The following SULF1 variants were observed in gnomAD, a reference collection of about 807,000 sequenced individuals.
SULF1 encodes sulfatase 1, also known as extracellular sulfatase Sulf-1.
A neutral mutation model predicts 110.5 loss-of-function variants in SULF1; 46 were observed. The observed-to-expected ratio is 0.42, with a 90% CI of 0.33 to 0.53. SULF1 has a LOEUF of 0.53. SULF1 is among the 20% of genes least tolerant of loss of function. The pLI is 0.12. For synonymous variants in SULF1, 371 were observed against 387.1 expected (o/e 0.96, Z 0.49); for missense variants, 941 against 1,094.2 (o/e 0.86, Z 1.98).
At chr8:69,494,443 A>T (rs200327372) in intron 1 of SULF1, among the ~76,000 whole-genome samples, 3 of 152,204 alleles carry the variant, frequency 2.0e-5, no homozygotes, top group Admixed American at 1.3e-4. Context: ...TTATAAAATT[A>T]TGTCTTTTTT....
intron 3 of SULF1, among the ~76,000 whole-genome samples, chr8:69,515,992 T>G (rs1811896346): frequency 6.6e-6 from 1 of 152,200 alleles, no homozygotes; most frequent in Non-Finnish European, 1.5e-5. Context: ...TCACAACCAT[T>G]CAGCAAGTCT....
chr8:69,621,350 A>T, intron 14 of SULF1, 99 bp downstream of exon 14: 1 of 741,446 alleles, frequency 1.3e-6, no homozygotes, highest in East Asian at 2.7e-5. Context: ...TTTAGATATT[A>T]TCAATGCATC....
rs1022364609 is a variant in SULF1 at position 69,627,009 on chromosome 8, G to GGACTGCCAGCACGCTGTCAC, written c.1851-180_1851-161dup. Among the ~76,000 whole-genome samples, 13 of 152,356 alleles carry GGACTGCCAGCACGCTGTCAC rather than the reference G, an allele frequency of 8.5e-5. No homozygotes were observed. The East Asian group carries it at 1.4e-3, about 16-fold the overall frequency. ...CGCGGAGAGCGAGCGAGGGCTGTGAGGACTGCCAGCACGCTGTCACGACTG... is the reference window on the plus strand; with the variant it reads ...CGCGGAGAGCGAGCGAGGGCTGTGAGGACTGCCAGCACGCTGTCACGACTGCCAGCACGCTGTCACGACTG... On this transcript the variant is annotated intron_variant, in intron 15 of 22. Coordinates refer to ENST00000402687, the MANE Select transcript of SULF1 (RefSeq NM_001128205.2).
At chr8:69,499,895 G>A (rs1810671152) in intron 2 of SULF1, among the ~76,000 whole-genome samples, 1 of 151,972 alleles carries the variant, frequency 6.6e-6, no homozygotes, top group East Asian at 1.9e-4. Context: ...TATTACAGGT[G>A]CACACCACCA....
chr8:69,598,845 G>A (rs533240663), intron 8 of SULF1, among the ~76,000 whole-genome samples: 2 of 152,300 alleles, frequency 1.3e-5, no homozygotes, highest in South Asian at 4.1e-4. Context: ...TAGAGACAGT[G>A]TCTTCTAAGC....
intron 3 of SULF1, among the ~76,000 whole-genome samples, chr8:69,516,752 AG>A (rs1811947103): frequency 6.6e-6 from 1 of 152,206 alleles, no homozygotes. Context: ...TGTTACAAAC[AG>A]GCAATGTTAA....
At chr8:69,507,175 T>C (rs1199026735) in intron 3 of SULF1, among the ~76,000 whole-genome samples, 1 of 152,196 alleles carries the variant, frequency 6.6e-6, no homozygotes, top group Non-Finnish European at 1.5e-5. Flanking sequence ...AGGCAGAATA[T>C]AGTGGTTCAA....
In SULF1 at chr8:69,623,860, C is replaced by A. The variant is rs1586575584; in HGVS notation, c.1595-82C>A. ...TGGACTGCTTTCTCCACTCCAGGATCCCTTCTGGACCAGGTGATCACTTTC... is the reference window on the plus strand; with the variant it reads ...TGGACTGCTTTCTCCACTCCAGGATACCTTCTGGACCAGGTGATCACTTTC... On this transcript the variant is annotated intron_variant, in intron 14 of 22. Coordinates refer to ENST00000402687, the MANE Select transcript of SULF1 (RefSeq NM_001128205.2). 2.0e-6 allele frequency: 3 copies of A among 1,495,692 alleles called. No individual in the cohort carries two copies. The Admixed American group carries it at 6.1e-5, about 30-fold the overall frequency. 92.7% of individuals were successfully genotyped at this position (1,495,692 alleles called of 1,614,324 possible). A position where few individuals can be genotyped will look rare whatever the true frequency, so the allele number is the denominator to read the frequency against.
At chr8:69,527,986 G>T (rs1179233038) in intron 3 of SULF1, among the ~76,000 whole-genome samples, 1 of 152,164 alleles carries the variant, frequency 6.6e-6, no homozygotes, top group Non-Finnish European at 1.5e-5. Flanking sequence ...TAAAAGACCA[G>T]TTTGGAGAGG....
intron 3 of SULF1, among the ~76,000 whole-genome samples, chr8:69,554,935 C>G (rs781358307): frequency 7.7e-6 from 1 of 129,836 alleles, no homozygotes; most frequent in South Asian, 2.6e-4. Flanking sequence ...GCCGAGACTG[C>G]GCCACTGCAC....
intron 3 of SULF1, among the ~76,000 whole-genome samples, chr8:69,533,768 C>G (rs979284082): frequency 6.6e-6 from 1 of 152,110 alleles, no homozygotes; most frequent in African/African-American, 2.4e-5. Flanking sequence ...TGGGTATATA[C>G]CCCGTAATGG....
chr8:69,505,594 T>C (rs943721649), intron 3 of SULF1, among the ~76,000 whole-genome samples: 1 of 152,128 alleles, frequency 6.6e-6, no homozygotes, highest in African/African-American at 2.4e-5. Flanking sequence ...TTTTTAAAAT[T>C]GCCCGTAGAC....
In SULF1 at chr8:69,601,721, G is replaced by T. The variant is rs757585395; in HGVS notation, c.953G>T (p.Gly318Val). The T allele has an allele frequency of 6.2e-7, 1 of 1,613,558 alleles. No homozygotes were observed. The highest frequency in any genetic ancestry group is 1.3e-5 in the African/African-American group (1 of 74,912). The change falls in exon 10 of 23, where the codon GGT becomes GTT. Residue 318 changes from glycine to valine, a missense_variant. Transcript: ENST00000402687. ...TACATCATTTACACCGCCGACCATGGTTACCATATTGGGCAGTTTGGACTG... is the reference window on the plus strand; with the variant it reads ...TACATCATTTACACCGCCGACCATGTTTACCATATTGGGCAGTTTGGACTG... ...NTYIIYTADH[G>V]YHIGQFGLVK...
intron 3 of SULF1, among the ~76,000 whole-genome samples, chr8:69,504,703 G>A (rs927283830): frequency 6.6e-6 from 1 of 152,070 alleles, no homozygotes; most frequent in Non-Finnish European, 1.5e-5. Context: ...CTTGGGGCTG[G>A]AAAATTCAAA....
rs540764916 is a variant in SULF1, at chr8:69,556,068, G to A, written c.-133-7471G>A. On this transcript the variant is annotated intron_variant, in intron 3 of 22. Transcript: ENST00000402687. ...ACTGTGAGAAAGATTATGTTTCTTCGTTACTTGAGATATGTGTCTGTGTGT... is the reference window on the plus strand; with the variant it reads ...ACTGTGAGAAAGATTATGTTTCTTCATTACTTGAGATATGTGTCTGTGTGT... Among the ~76,000 whole-genome samples, 122 of 152,212 alleles carry A rather than the reference G, an allele frequency of 8.0e-4. 1 individual carries two copies. In the South Asian group the frequency reaches 0.025, roughly 31 times the overall value.
chr8:69,646,688 A>T (rs1052740611), intron 22 of SULF1, among the ~76,000 whole-genome samples: 1 of 152,198 alleles, frequency 6.6e-6, no homozygotes, highest in Admixed American at 6.5e-5. Flanking sequence ...ATTCAAACCC[A>T]GCGAGTCTGG....
At chr8:69,646,426 ATTTT>A (rs10578329) in intron 22 of SULF1, among the ~76,000 whole-genome samples, 5 of 145,122 alleles carry the variant, frequency 3.4e-5, no homozygotes, top group South Asian at 4.4e-4. Flanking sequence ...TATTATCCTC[ATTTT>A]TTTTTTTTTT....
chr8:69,655,164 T>C (rs1586646894), intron 22 of SULF1, among the ~76,000 whole-genome samples: 2 of 152,218 alleles, frequency 1.3e-5, no homozygotes, highest in East Asian at 3.9e-4. Flanking sequence ...TGTAATCCAC[T>C]TACCAGCTAT....
intron 3 of SULF1, among the ~76,000 whole-genome samples, chr8:69,559,619 T>A (rs1480430967): frequency 6.6e-6 from 1 of 152,226 alleles, no homozygotes; most frequent in Non-Finnish European, 1.5e-5. Context: ...GTCTGCCAAA[T>A]ATCCAAGTCT....
Sources: allele counts gnomAD v4.1 joint callset (sites outside exome capture counted in the v4.1 genomes callset), GRCh38; gene constraint gnomAD v4.1.1; transcripts MANE v1.5; gene names NCBI Gene and HGNC (gene_info 2026-07-23, HGNC 2026-07-21).